FRY: variants seen among roughly 807,000 people sequenced by gnomAD.
The protein encoded by FRY is protein furry homolog.
Under a neutral mutation model 348.4 loss-of-function variants are expected in FRY, and 128 were observed. The ratio of observed to expected loss-of-function variants is 0.37; its 90% CI spans 0.32 to 0.43. The LOEUF (loss-of-function observed/expected upper bound fraction) is 0.43. FRY is among the 20% of genes least tolerant of loss of function. The probability of loss-of-function intolerance (pLI) is 1.00; values close to 1 mark genes in which losing one functional copy is unlikely to be tolerated. For synonymous variants in FRY, 1,370 were observed against 1,374.7 expected (o/e 1.00, Z 0.08); for missense variants, 2,736 against 3,695.2 (o/e 0.74, Z 6.73).
chr13:32,294,395 GACCTAAAGAAAC>G lies in FRY; in HGVS notation c.8613_8624del (p.Lys2873_Lys2876del). The G allele has an allele frequency of 6.2e-7, 1 of 1,613,534 alleles. No individual in the cohort carries two copies. The highest frequency in any genetic ancestry group is 8.5e-7 in the Non-Finnish European group (1 of 1,179,570). ...GCTGAATATGTCCAGGGAACTGAGT[GACCTAAAGAAAC>G]ACCTGAAGGAAGCCAGTGCAGTCAT... On this transcript the variant is annotated inframe_deletion, in exon 60 of 61. Transcript: ENST00000542859.
intron 10 of FRY, among the ~76,000 whole-genome samples, chr13:32,136,120 A>G (rs747579998): frequency 1.3e-5 from 2 of 152,116 alleles, no homozygotes; most frequent in Non-Finnish European, 2.9e-5. Context: ...AGCCAGTTAC[A>G]TTTTTATTTC....
rs187745984 is a variant in FRY at position 32,218,920 on chromosome 13, A to T, written c.4765+89A>T. ...TGTTCTGATTGTTCTTGGTCTGATT[A>T]CTAAAAGGGCCTATAGATATTAAGT... On this transcript the variant is annotated intron_variant, in intron 36 of 60. Transcript: ENST00000542859. 396 of 766,636 alleles carry T rather than the reference A, an allele frequency of 5.2e-4. No individual in the cohort carries two copies. The African/African-American group carries it at 6.3e-3, about 12-fold the overall frequency. 47.5% of individuals were successfully genotyped at this position (766,636 alleles called of 1,614,324 possible).
chr13:32,130,303 A>G (rs1879273669), intron 7 of FRY, among the ~76,000 whole-genome samples: 1 of 152,128 alleles, frequency 6.6e-6, no homozygotes, highest in Admixed American at 6.5e-5. Flanking sequence ...GGCCTCCCAA[A>G]GTGCTGGGAT....
At chr13:32,261,378 C>A (rs1022439359) in intron 51 of FRY, 1 of 687,204 alleles carries the variant, frequency 1.5e-6, no homozygotes. Flanking sequence ...TATTACCCAC[C>A]ATGCCAAAGA....
At chr13:32,132,147 A>T (rs1164567730) in intron 8 of FRY, among the ~76,000 whole-genome samples, 1 of 151,992 alleles carries the variant, frequency 6.6e-6, no homozygotes, top group African/African-American at 2.4e-5. Flanking sequence ...TACTTTTTAA[A>T]ATTGATAGCA....
At chr13:32,053,325 C>T (rs532162146) in intron 1 of FRY, among the ~76,000 whole-genome samples, 2 of 152,006 alleles carry the variant, frequency 1.3e-5, no homozygotes, top group South Asian at 4.2e-4. Flanking sequence ...TGTCTCTTAC[C>T]GACTATGCTT....
intron 1 of FRY, among the ~76,000 whole-genome samples, chr13:32,065,545 A>C (rs904928568): frequency 6.6e-6 from 1 of 151,846 alleles, no homozygotes; most frequent in African/African-American, 2.4e-5. Context: ...AGCTCAAGCA[A>C]TCCTCCTGTC....
chr13:32,208,216 C>T (rs552612379), intron 31 of FRY, among the ~76,000 whole-genome samples: 1 of 152,184 alleles, frequency 6.6e-6, no homozygotes, highest in Non-Finnish European at 1.5e-5. Context: ...TTTATTCTTC[C>T]TAGAGATCCG....
intron 11 of FRY, among the ~76,000 whole-genome samples, chr13:32,142,081 G>A (rs1566093510): frequency 1.3e-5 from 2 of 152,090 alleles, no homozygotes; most frequent in East Asian, 3.9e-4. Flanking sequence ...TGAAATGTCT[G>A]CATCCTGAAA....
intron 35 of FRY, 96 bp from the exon 36 acceptor site, chr13:32,218,653 T>C: frequency 2.9e-6 from 2 of 688,606 alleles, no homozygotes; most frequent in South Asian, 3.0e-5. Flanking sequence ...TAGTGCAGCC[T>C]GGTGACAGAG....
intron 20 of FRY, among the ~76,000 whole-genome samples, chr13:32,177,314 T>C (rs1415148618): frequency 6.6e-6 from 1 of 152,102 alleles, no homozygotes; most frequent in East Asian, 1.9e-4. Context: ...CTTGGCCAGG[T>C]GTGGTGGTTC....
At chr13:32,189,587 T>C (rs575417504) in intron 28 of FRY, among the ~76,000 whole-genome samples, 4 of 151,852 alleles carry the variant, frequency 2.6e-5, no homozygotes, top group African/African-American at 9.7e-5. Flanking sequence ...TTTGTTACAA[T>C]ACTAAAAAAA....
At chr13:32,243,939 A>T in intron 46 of FRY, 103 bp from the exon 47 acceptor site, 2 of 1,344,788 alleles carry the variant, frequency 1.5e-6, no homozygotes, top group Non-Finnish European at 2.1e-6. Flanking sequence ...AAAAAATAAA[A>T]AATAAAAAGG....
chr13:32,211,681 T>C (rs9562556), intron 34 of FRY, among the ~76,000 whole-genome samples: 6,971 of 152,024 alleles, frequency 0.046, 355 homozygotes, highest in East Asian at 0.29. Flanking sequence ...TGATTAAAAT[T>C]CCCCCCAAAA....
intron 35 of FRY, among the ~76,000 whole-genome samples, chr13:32,215,418 A>G (rs967879133): frequency 4.6e-5 from 7 of 152,230 alleles, no homozygotes; most frequent in African/African-American, 1.7e-4. Flanking sequence ...GTGTATTAAT[A>G]AAAATTTTTA....
chr13:32,088,280 A>G (rs1832009364), intron 2 of FRY, among the ~76,000 whole-genome samples: 1 of 152,250 alleles, frequency 6.6e-6, no homozygotes, highest in South Asian at 2.1e-4. Flanking sequence ...AATCAAAGCA[A>G]TGCTGTCCTG....
intron 17 of FRY, 107 bp downstream of exon 17, chr13:32,161,358 G>A (rs1247612650): frequency 5.9e-6 from 5 of 846,460 alleles, no homozygotes; most frequent in African/African-American, 5.0e-5. Flanking sequence ...ACCAAATGAG[G>A]TACTGGGTAT....
At chr13:32,290,475 T>C (rs990477776) in intron 59 of FRY, among the ~76,000 whole-genome samples, 3 of 151,858 alleles carry the variant, frequency 2.0e-5, no homozygotes, top group Non-Finnish European at 2.9e-5. Context: ...ACAAAGAGCA[T>C]GGCCATAAGC....
At chr13:32,072,112 C>A (rs1042389712) in intron 1 of FRY, among the ~76,000 whole-genome samples, 1 of 151,998 alleles carries the variant, frequency 6.6e-6, no homozygotes, top group Non-Finnish European at 1.5e-5. Flanking sequence ...GATACTAATT[C>A]GTCTGGAGAT....
Sources: allele counts gnomAD v4.1 joint callset (sites outside exome capture counted in the v4.1 genomes callset), GRCh38; gene constraint gnomAD v4.1.1; transcripts MANE v1.5; gene names NCBI Gene and HGNC (gene_info 2026-07-23, HGNC 2026-07-21).